CDH9: variants seen among roughly 807,000 people sequenced by gnomAD.
CDH9 encodes the protein cadherin-9.
A neutral mutation model predicts 70.9 loss-of-function variants in CDH9; 28 were observed. The ratio of observed to expected loss-of-function variants is 0.40; its 90% CI spans 0.29 to 0.54. The LOEUF is 0.54. Ranked by LOEUF, CDH9 falls within the 20% of genes least tolerant of loss-of-function variation. The pLI is 0.59. For synonymous variants in CDH9, 409 were observed against 343.1 expected (o/e 1.19, Z -2.12); for missense variants, 874 against 984.4 (o/e 0.89, Z 1.50).
At position 26,889,849 on chromosome 5, in the gene CDH9, G is replaced by T. The variant is rs774554589; in HGVS notation, c.1499C>A (p.Ala500Glu). 1.3e-6 allele frequency: 2 copies of T among 1,584,854 alleles called. No homozygotes were observed. Among genetic ancestry groups the T allele is most frequent in the Non-Finnish European group, 1.7e-6 (2 of 1,156,766 alleles). The change falls in exon 9 of 12, where the codon GCA (alanine) becomes GAA (glutamate). Residue 500 changes from alanine (A) to glutamate (E), a missense_variant. Ala to Glu is a moderately radical substitution (Grantham distance 107). Coordinates refer to ENST00000231021, the MANE Select transcript of CDH9 (RefSeq NM_016279.4). ...GATTTTATTTACCTGCCCAGGTTTT[G>T]CATTTTCACAAACAAATGTTTCATA... ...MYYETFVCEN[A>E]KPGQLIQTVS...
At position 26,881,517 on chromosome 5, in the gene CDH9, G is replaced by A. The variant is rs202002897; in HGVS notation, c.1989C>T (p.Gly663=). The change falls in exon 12 of 12, where the codon GGC becomes GGT. Residue 663 remains glycine (G), a synonymous_variant. Transcript: ENST00000231021. ...RDNIVTYNDE[G]GGEEDTQAFD... ...AAGCTTGGGTATCTTCTTCCCCGCC[G>A]CCTTCATCGTTGTAGGTCACAATGT... 8 of 1,613,610 alleles carry A rather than the reference G, an allele frequency of 5.0e-6. No homozygotes were observed. The East Asian group carries it at 6.7e-5, about 13-fold the overall frequency.
At chr5:26,995,547 T>G (rs2112099292) in intron 1 of CDH9, among the ~76,000 whole-genome samples, 1 of 152,294 alleles carries the variant, frequency 6.6e-6, no homozygotes, top group African/African-American at 2.4e-5. Context: ...TTTATAAATT[T>G]ATTTTTCATT....
chr5:27,015,823 T>A (rs1315426721), intron 1 of CDH9, among the ~76,000 whole-genome samples: 1 of 151,660 alleles, frequency 6.6e-6, no homozygotes, highest in Non-Finnish European at 1.5e-5. Context: ...TATATGAGGG[T>A]CACCTGTGTC....
intron 2 of CDH9, among the ~76,000 whole-genome samples, chr5:26,965,942 A>C (rs1236624970): frequency 1.3e-5 from 2 of 152,206 alleles, no homozygotes; most frequent in Non-Finnish European, 2.9e-5. Flanking sequence ...TTGAATAATC[A>C]CATCCAACTT....
At chr5:26,959,248 TA>T (rs1741994561) in intron 2 of CDH9, among the ~76,000 whole-genome samples, 3 of 152,004 alleles carry the variant, frequency 2.0e-5, no homozygotes, top group African/African-American at 7.2e-5. Flanking sequence ...AACAAACATA[TA>T]AAAAATGCTC....
At chr5:26,959,018 A>T (rs900717760) in intron 2 of CDH9, among the ~76,000 whole-genome samples, 1 of 152,258 alleles carries the variant, frequency 6.6e-6, no homozygotes, top group Middle Eastern at 3.4e-3. Context: ...TGGACTTCAT[A>T]AAAACAAACT....
intron 2 of CDH9, among the ~76,000 whole-genome samples, chr5:26,934,135 G>T (rs1272345022): frequency 1.3e-5 from 2 of 152,050 alleles, no homozygotes; most frequent in Non-Finnish European, 2.9e-5. Context: ...AAAGGTGCTA[G>T]GTTCTTTTCA....
At chr5:26,927,154 T>C (rs1741357665) in intron 2 of CDH9, among the ~76,000 whole-genome samples, 1 of 151,932 alleles carries the variant, frequency 6.6e-6, no homozygotes, top group Admixed American at 6.6e-5. Context: ...GGGAAAACCA[T>C]GTGATTACTT....
chr5:26,975,014 A>C (rs1392272498), intron 2 of CDH9, among the ~76,000 whole-genome samples: 1 of 152,146 alleles, frequency 6.6e-6, no homozygotes, highest in African/African-American at 2.4e-5. Flanking sequence ...CATATCTGTT[A>C]TATACATATA....
intron 2 of CDH9, among the ~76,000 whole-genome samples, chr5:26,980,162 A>C (rs1386315246): frequency 6.6e-6 from 1 of 151,860 alleles, no homozygotes; most frequent in Non-Finnish European, 1.5e-5. Context: ...TTTTCAAGAG[A>C]AACATTTGTT....
intron 3 of CDH9, among the ~76,000 whole-genome samples, chr5:26,907,267 T>A (rs906715143): frequency 1.3e-5 from 2 of 152,094 alleles, no homozygotes; most frequent in African/African-American, 4.8e-5. Context: ...CTGGTATATT[T>A]GACTGTAAAT....
chr5:27,022,516 G>A (rs766012474), intron 1 of CDH9, among the ~76,000 whole-genome samples: 40 of 152,030 alleles, frequency 2.6e-4, no homozygotes, highest in Non-Finnish European at 1.6e-4. Context: ...AGTCAAATGA[G>A]TTGATTACTA....
intron 1 of CDH9, among the ~76,000 whole-genome samples, chr5:27,019,515 G>C (rs1411077787): frequency 6.6e-6 from 1 of 151,840 alleles, no homozygotes; most frequent in Non-Finnish European, 1.5e-5. Context: ...ATTATCTAGA[G>C]TTATTTTTTA....
chr5:26,917,338 A>G (rs1053434403), intron 2 of CDH9, among the ~76,000 whole-genome samples: 2 of 151,960 alleles, frequency 1.3e-5, no homozygotes, highest in Non-Finnish European at 2.9e-5. Flanking sequence ...TTCAGGAGTA[A>G]TAATCTTCAG....
intron 2 of CDH9, among the ~76,000 whole-genome samples, chr5:26,926,244 T>A (rs1423784859): frequency 6.6e-6 from 1 of 152,068 alleles, no homozygotes; most frequent in African/African-American, 2.4e-5. Context: ...TTCAGCAAAG[T>A]CTCAGGATAC....
chr5:26,886,147 A>C (rs151131856), intron 9 of CDH9, 64 bp from the exon 10 acceptor site: 1 of 1,488,192 alleles, frequency 6.7e-7, no homozygotes, highest in African/African-American at 1.4e-5. Flanking sequence ...ATTACAAGAT[A>C]TCTTAAATCC....
intron 2 of CDH9, among the ~76,000 whole-genome samples, chr5:26,985,172 C>T (rs10072621): frequency 0.49 from 74,836 of 151,404 alleles, 19,473 homozygotes; most frequent in African/African-American, 0.59. Flanking sequence ...CCTATTAGAC[C>T]AGCCTCTTTT....
At position 26,899,871 on chromosome 5, in the gene CDH9, A is replaced by T. The variant is rs182261520; in HGVS notation, c.1253+2605T>A. On this transcript the variant is annotated intron_variant, in intron 7 of 11. Transcript: ENST00000231021. ...TATCACAGAACTTAAAGTATAATTT[A>T]AAAAAAAAAAGAAAAAAATAAGCAA... Among the ~76,000 whole-genome samples the T allele has an allele frequency of 2.8e-3, 315 of 112,390 alleles. 2 individuals are homozygous for T. The highest frequency in any genetic ancestry group is 8.1e-3 in the African/African-American group (279 of 34,644). 73.7% of individuals were successfully genotyped at this position (112,390 alleles called of 152,430 possible). A position where few individuals can be genotyped will look rare whatever the true frequency, so the allele number is the denominator to read the frequency against.
At chr5:26,981,759 C>T (rs879941552) in intron 2 of CDH9, among the ~76,000 whole-genome samples, 4 of 152,032 alleles carry the variant, frequency 2.6e-5, no homozygotes, top group East Asian at 1.9e-4. Flanking sequence ...CAAGATAAAA[C>T]AGGCATAAAA....
Sources: gnomAD v4.1 joint callset for allele counts (sites outside exome capture counted in the v4.1 genomes callset) on GRCh38, gnomAD v4.1.1 for gene constraint, MANE v1.5 for transcripts, NCBI Gene and HGNC (gene_info 2026-07-23, HGNC 2026-07-21) for gene names.